The following NBEA variants were observed in gnomAD, a reference collection of about 807,000 sequenced individuals.
The protein encoded by NBEA is lysosomal-trafficking regulator 2.
In NBEA, 44 loss-of-function variants were observed where a neutral mutation model predicts 343.4. That is an observed-to-expected ratio of 0.13 (90% CI 0.10 to 0.16). The LOEUF is 0.16. NBEA is among the 10% of genes least tolerant of loss of function. NBEA has a pLI of 1.00. For missense variants in NBEA, 2,555 were observed against 3,631.3 expected (o/e 0.70, Z 7.62); for synonymous variants, 1,175 against 1,238.7 (o/e 0.95, Z 1.08).
At chr13:35,049,195 G>T (rs148221088) in intron 5 of NBEA, among the ~76,000 whole-genome samples, 113 of 151,918 alleles carry the variant, frequency 7.4e-4, no homozygotes, top group Non-Finnish European at 1.2e-3. Context: ...AGGGTTGAAA[G>T]CTTGATAATT....
intron 25 of NBEA, among the ~76,000 whole-genome samples, chr13:35,170,518 A>T (rs1295356907): frequency 2.0e-5 from 3 of 151,896 alleles, no homozygotes; most frequent in Non-Finnish European, 4.4e-5. Flanking sequence ...ATTGTTTAAA[A>T]AACCATAAAG....
At chr13:35,428,837 C>T (rs1286401836) in intron 38 of NBEA, among the ~76,000 whole-genome samples, 2 of 152,068 alleles carry the variant, frequency 1.3e-5, no homozygotes, top group African/African-American at 2.4e-5. Context: ...TTTATTTAAA[C>T]CTTCTATTTA....
chr13:35,515,680 G>A (rs2077457280), intron 41 of NBEA, among the ~76,000 whole-genome samples: 1 of 151,686 alleles, frequency 6.6e-6, no homozygotes, highest in East Asian at 1.9e-4. Context: ...GTGTTAAAAA[G>A]GCAATATATT....
At chr13:35,037,185 G>A (rs1463496929) in intron 1 of NBEA, among the ~76,000 whole-genome samples, 1 of 152,150 alleles carries the variant, frequency 6.6e-6, no homozygotes, top group Non-Finnish European at 1.5e-5. Flanking sequence ...TAAAGGACTT[G>A]ATGCATTCTT....
At chr13:34,944,667 T>C (rs1261432330) in intron 1 of NBEA, among the ~76,000 whole-genome samples, 1 of 151,136 alleles carries the variant, frequency 6.6e-6, no homozygotes, top group Non-Finnish European at 1.5e-5. Context: ...ACTTGCCATT[T>C]CTTTTTAAAA....
chr13:35,111,074 C>T, intron 13 of NBEA, 96 bp downstream of exon 13: 1 of 1,030,004 alleles, frequency 9.7e-7, no homozygotes, highest in Non-Finnish European at 1.3e-6. Context: ...TATGAAATCA[C>T]TGAAATGTTT....
At chr13:35,624,085 T>C (rs1409604436) in intron 48 of NBEA, among the ~76,000 whole-genome samples, 3 of 151,112 alleles carry the variant, frequency 2.0e-5, no homozygotes, top group Non-Finnish European at 2.9e-5. Flanking sequence ...TGTGTGAGAA[T>C]TGCATCAGGA....
At chr13:35,246,335 A>T (rs1459551989) in intron 34 of NBEA, among the ~76,000 whole-genome samples, 2 of 152,024 alleles carry the variant, frequency 1.3e-5, no homozygotes, top group Admixed American at 6.6e-5. Context: ...AGCTACTGTG[A>T]TTTTTTGGGG....
At chr13:35,006,457 T>C (rs1168955557) in intron 1 of NBEA, among the ~76,000 whole-genome samples, 1 of 152,112 alleles carries the variant, frequency 6.6e-6, no homozygotes. Context: ...TTTTAATCTT[T>C]TCCATCTTTT....
At chr13:34,992,238 G>GTA (rs60959090) in intron 1 of NBEA, among the ~76,000 whole-genome samples, 19,347 of 121,490 alleles carry the variant, frequency 0.16, 1,683 homozygotes, top group East Asian at 0.35. Flanking sequence ...GTGTGTGTGT[G>GTA]TATATATATA....
At chr13:35,541,272 A>G (rs2078809701) in intron 41 of NBEA, among the ~76,000 whole-genome samples, 1 of 145,308 alleles carries the variant, frequency 6.9e-6, no homozygotes, top group South Asian at 2.2e-4. Context: ...CTTTTTCCCC[A>G]CTCCCCTGCC....
chr13:35,658,334 C>T (rs2084917715), intron 55 of NBEA, among the ~76,000 whole-genome samples: 1 of 152,134 alleles, frequency 6.6e-6, no homozygotes. Flanking sequence ...AGAATCCATC[C>T]TGTCAAGACT....
At chr13:35,526,028 A>T (rs866020433) in intron 41 of NBEA, among the ~76,000 whole-genome samples, 2 of 152,066 alleles carry the variant, frequency 1.3e-5, no homozygotes, top group African/African-American at 2.4e-5. Context: ...CAGCATTTAG[A>T]CTTTTTGTGA....
intron 48 of NBEA, among the ~76,000 whole-genome samples, chr13:35,612,381 G>A (rs1017028162): frequency 2.0e-5 from 3 of 152,008 alleles, no homozygotes; most frequent in African/African-American, 7.2e-5. Context: ...ATCTGCCCAC[G>A]TTGACCTCCC....
At position 34,989,130 on chromosome 13, in the gene NBEA, A is replaced by G. The variant is rs1271166903; in HGVS notation, c.294+46016A>G. The stretch of plus-strand genomic sequence containing the variant: ...ATTATTATTTTAATGATTCTTCTAC[A>G]TCTCTAGCTTTTCAGTCTAGAGTTG... On this transcript the variant is annotated intron_variant, in intron 1 of 58. Coordinates refer to ENST00000379939, the MANE Select transcript of NBEA (RefSeq NM_001385012.1). 2.7e-5 allele frequency among the ~76,000 whole-genome samples: 4 copies of G among 150,916 alleles called. 1 individual carries two copies. Among genetic ancestry groups the G allele is most frequent in the Non-Finnish European group, 5.9e-5 (4 of 67,454 alleles).
intron 36 of NBEA, among the ~76,000 whole-genome samples, chr13:35,331,421 A>G (rs2038920567): frequency 6.6e-6 from 1 of 152,026 alleles, no homozygotes; most frequent in African/African-American, 2.4e-5. Context: ...AGGGAAAATT[A>G]TTTGTCCAAA....
chr13:34,992,757 C>T (rs2060805415), intron 1 of NBEA, among the ~76,000 whole-genome samples: 1 of 151,782 alleles, frequency 6.6e-6, no homozygotes, highest in Admixed American at 6.6e-5. Context: ...ACTGCAAGCT[C>T]CGACTCCCAG....
intron 53 of NBEA, among the ~76,000 whole-genome samples, chr13:35,654,137 C>T (rs751579063): frequency 7.2e-5 from 11 of 152,352 alleles, no homozygotes; most frequent in Middle Eastern, 3.4e-3. Context: ...GACAGGCTGG[C>T]ATGCAGACAG....
Position 35,475,960 on chromosome 13 carries a change from T to C in NBEA, c.6585+3424T>C, listed in dbSNP as rs549158640. On this transcript the variant is annotated intron_variant, in intron 41 of 58. Transcript: ENST00000379939. Reference sequence around the variant, plus strand: ...GACCTCGAGGCCCTCGTAGCGATTGTCCATCTCGTTGAGAGAGCTGATGAA... The same window carrying C: ...GACCTCGAGGCCCTCGTAGCGATTGCCCATCTCGTTGAGAGAGCTGATGAA... The C allele has an allele frequency of 1.2e-5, 19 of 1,614,184 alleles. No homozygotes were observed. The highest frequency in any genetic ancestry group is 3.3e-5 in the Admixed American group (2 of 60,026).
Sources: gnomAD v4.1 joint callset for allele counts (sites outside exome capture counted in the v4.1 genomes callset) on GRCh38, gnomAD v4.1.1 for gene constraint, MANE v1.5 for transcripts, NCBI Gene and HGNC (gene_info 2026-07-23, HGNC 2026-07-21) for gene names.